The following ZSWIM5 variants were observed in gnomAD, a reference collection of about 807,000 sequenced individuals.
The protein encoded by ZSWIM5 is zinc finger SWIM-type containing 5.
ZSWIM5 carries 55 observed loss-of-function variants against 119.6 expected under a neutral mutation model. The observed-to-expected ratio is 0.46, with a 90% CI of 0.37 to 0.58. The LOEUF (loss-of-function observed/expected upper bound fraction) is 0.58, where lower values mean the gene tolerates loss of function less well. ZSWIM5 is among the 20% of genes least tolerant of loss of function. ZSWIM5 has a pLI of 0.00. For synonymous variants in ZSWIM5, 537 were observed against 606.9 expected, an observed-to-expected ratio of 0.88 and a Z score of 1.69; for missense variants, 1,193 against 1,512.8, an observed-to-expected ratio of 0.79 and a Z score of 3.51.
rs112600511 is a variant in ZSWIM5 at position 45,138,736 on chromosome 1, A to G, written c.596-50499T>C. Reference sequence around the variant, plus strand: ...CCTCCCCAGGGGAGATCAGGGGGTCAGGTAGAGTGAAGGTTCCAACCCACT... The same window carrying G: ...CCTCCCCAGGGGAGATCAGGGGGTCGGGTAGAGTGAAGGTTCCAACCCACT... On this transcript the variant is annotated intron_variant, in intron 1 of 13. Transcript: ENST00000359600. Among the ~76,000 whole-genome samples, 1,519 of 152,128 alleles carry G rather than the reference A, an allele frequency of 1.0e-2. 30 individuals carry two copies. The highest frequency in any genetic ancestry group is 0.035 in the African/African-American group (1,457 of 41,528).
rs188223265 is a variant in ZSWIM5, at chr1:45,205,927, G to A, written c.424C>T (p.Pro142Ser). ...ASPAEEGPQPPPGAAAPAGSA... is the reference protein window; with the variant it reads ...ASPAEEGPQPSPGAAAPAGSA... ...CCGGCCGGAGCGGCGGCCCCGGGGGGTGGCTGCGGCCCCTCCTCGGCCGGC... is the reference window on the plus strand; with the variant it reads ...CCGGCCGGAGCGGCGGCCCCGGGGGATGGCTGCGGCCCCTCCTCGGCCGGC... The change falls in exon 1 of 14, where the codon CCC becomes TCC. Residue 142 changes from proline (P) to serine (S), a missense_variant. By Grantham distance (74) the Pro-to-Ser change is moderately conservative. Transcript: ENST00000359600. The A allele has an allele frequency of 0.099, 112,022 of 1,134,380 alleles. 5,933 individuals carry two copies. The highest frequency in any genetic ancestry group is 0.11 in the Non-Finnish European group (99,611 of 924,666). The allele number at this position is 1,134,380 out of a possible 1,614,324, so 70.3% of individuals were successfully genotyped here. A position where few individuals can be genotyped will look rare whatever the true frequency, so the allele number is the denominator to read the frequency against.
chr1:45,070,279 C>A, intron 2 of ZSWIM5: 1 of 1,462,360 alleles, frequency 6.8e-7, no homozygotes, highest in Non-Finnish European at 9.6e-7. Flanking sequence ...ACAATAACAT[C>A]ATAAATTATT....
In ZSWIM5 at chr1:45,088,170, A is replaced by G; in HGVS notation, c.663T>C (p.Val221=). The G allele has an allele frequency of 6.2e-7, 1 of 1,614,204 alleles. No homozygotes were observed. The highest frequency in any genetic ancestry group is 8.5e-7 in the Non-Finnish European group (1 of 1,180,028). ...TTTTGCATCGATCAAAACTGATTGCAACTTTATAAGTCACTGCTGGTTCAG... is the reference window on the plus strand; with the variant it reads ...TTTTGCATCGATCAAAACTGATTGCGACTTTATAAGTCACTGCTGGTTCAG... The part of the protein sequence containing the change: ...TASEPAVTYK[V]AISFDRCKIT... Residue 221 remains valine (V), a synonymous_variant, in exon 2 of 14, where the codon GTT becomes GTC. Coordinates refer to ENST00000359600, the MANE Select transcript of ZSWIM5 (RefSeq NM_020883.2). This position sits in a 1 kb window ranked among gnomAD's most constrained non-coding sequence, Gnocchi z 4.2.
intron 1 of ZSWIM5, among the ~76,000 whole-genome samples, chr1:45,165,422 C>A (rs1294822670): frequency 2.0e-5 from 3 of 151,960 alleles, no homozygotes; most frequent in African/African-American, 7.2e-5. Context: ...GAAGCAAGAG[C>A]AAACACATTC....
chr1:45,089,886 A>C (rs943597578), intron 1 of ZSWIM5, among the ~76,000 whole-genome samples: 4 of 152,368 alleles, frequency 2.6e-5, no homozygotes, highest in African/African-American at 9.6e-5. Flanking sequence ...AATGATTACA[A>C]TATGATGTGC....
intron 2 of ZSWIM5, among the ~76,000 whole-genome samples, chr1:45,066,329 G>A (rs920241038): frequency 4.6e-5 from 7 of 152,086 alleles, no homozygotes; most frequent in African/African-American, 1.7e-4. Flanking sequence ...CTGTGCCTGT[G>A]CCAAATACTG....
chr1:45,102,976 C>A (rs1645448910), intron 1 of ZSWIM5, among the ~76,000 whole-genome samples: 1 of 152,112 alleles, frequency 6.6e-6, no homozygotes, highest in Admixed American at 6.6e-5. Flanking sequence ...ATCCTCTCAC[C>A]TCAGCCTCCC....
At chr1:45,152,770 A>C (rs112829332) in intron 1 of ZSWIM5, among the ~76,000 whole-genome samples, 2,187 of 152,232 alleles carry the variant, frequency 0.014, 68 homozygotes, top group African/African-American at 0.051. Context: ...TAATTAAGCT[A>C]GAGGGCTTTT....
At chr1:45,058,508 T>C (rs1349028742) in intron 4 of ZSWIM5, 101 bp downstream of exon 4, 7 of 1,474,084 alleles carry the variant, frequency 4.7e-6, no homozygotes, top group Non-Finnish European at 6.5e-6. Flanking sequence ...CAGCTGGACT[T>C]AGCAAGATCC....
intron 2 of ZSWIM5, among the ~76,000 whole-genome samples, chr1:45,078,111 A>G (rs1295975867): frequency 6.6e-6 from 1 of 152,198 alleles, no homozygotes; most frequent in Admixed American, 6.5e-5. Flanking sequence ...GCACAAGGGT[A>G]TTGATTGGGG....
intron 1 of ZSWIM5, among the ~76,000 whole-genome samples, chr1:45,169,890 T>C (rs1047788257): frequency 2.6e-5 from 4 of 152,076 alleles, no homozygotes; most frequent in East Asian, 1.9e-4. Context: ...TATACACATA[T>C]ATACTAGTTA....
At chr1:45,190,845 T>C in intron 1 of ZSWIM5, among the ~76,000 whole-genome samples, 1 of 143,076 alleles carries the variant, frequency 7.0e-6, no homozygotes, top group East Asian at 2.1e-4. Context: ...GCAGGCCTGA[T>C]AAAAGCTCAG....
chr1:45,171,020 T>C (rs950915674), intron 1 of ZSWIM5, among the ~76,000 whole-genome samples: 1 of 152,178 alleles, frequency 6.6e-6, no homozygotes, highest in Non-Finnish European at 1.5e-5. Flanking sequence ...TATTTCACAA[T>C]GCAGAAATCT....
At chr1:45,202,001 G>A (rs1349397497) in intron 1 of ZSWIM5, among the ~76,000 whole-genome samples, 2 of 152,042 alleles carry the variant, frequency 1.3e-5, no homozygotes, top group Admixed American at 6.5e-5. Context: ...CATATGTGAT[G>A]TGTTAGGGTG....
intron 1 of ZSWIM5, among the ~76,000 whole-genome samples, chr1:45,200,080 G>A (rs74999691): frequency 0.016 from 2,416 of 152,174 alleles, 69 homozygotes; most frequent in African/African-American, 0.054. Flanking sequence ...AATTAAGAGA[G>A]ATGTCATACT....
intron 5 of ZSWIM5, among the ~76,000 whole-genome samples, chr1:45,044,832 T>C (rs1432281865): frequency 8.9e-5 from 1 of 11,242 alleles, no homozygotes; most frequent in Non-Finnish European, 1.5e-4. Flanking sequence ...AATATATATA[T>C]ATAAATATAT....
chr1:45,065,447 G>A (rs1041508513), intron 2 of ZSWIM5, among the ~76,000 whole-genome samples: 1 of 152,198 alleles, frequency 6.6e-6, no homozygotes, highest in African/African-American at 2.4e-5. Flanking sequence ...GGAAAAAAGT[G>A]GAGAACATTT....
chr1:45,196,549 C>A (rs576130820), intron 1 of ZSWIM5, among the ~76,000 whole-genome samples: 1 of 151,704 alleles, frequency 6.6e-6, no homozygotes, highest in South Asian at 2.1e-4. Flanking sequence ...TGCCACCACG[C>A]CCGGCTAATT....
Position 45,042,126 on chromosome 1 carries a change from G to A in ZSWIM5, c.1609+1093C>T, listed in dbSNP as rs144490467. On this transcript the variant is annotated intron_variant, in intron 6 of 13. Coordinates refer to ENST00000359600, the MANE Select transcript of ZSWIM5 (RefSeq NM_020883.2). ...CATATCCTTAGTTAATTATGGCTCAGGATAAATTCCTACATGTAGAATTCC... is the reference window on the plus strand; with the variant it reads ...CATATCCTTAGTTAATTATGGCTCAAGATAAATTCCTACATGTAGAATTCC... Among the ~76,000 whole-genome samples the A allele has an allele frequency of 2.5e-3, 379 of 152,148 alleles. 1 individual carries two copies. Among genetic ancestry groups the A allele is most frequent in the African/African-American group, 8.8e-3 (367 of 41,508 alleles).
Sources: gnomAD v4.1 joint callset for allele counts (sites outside exome capture counted in the v4.1 genomes callset) on GRCh38, gnomAD v4.1.1 for gene constraint, Gnocchi (gnomAD v3.1) non-coding constraint, MANE v1.5 for transcripts, NCBI Gene and HGNC (gene_info 2026-07-23, HGNC 2026-07-21) for gene names.